Variants in HSD17B12 observed in about 807,000 individuals in gnomAD.
HSD17B12 encodes very-long-chain 3-oxoacyl-CoA reductase.
HSD17B12 carries 32 observed loss-of-function variants against 39.3 expected under a neutral mutation model. The observed-to-expected ratio is 0.81, with a 90% CI of 0.61 to 1.09. The LOEUF (loss-of-function observed/expected upper bound fraction) is 1.09, where lower values mean the gene tolerates loss of function less well. HSD17B12 is among the 50% of genes least tolerant of loss of function. HSD17B12 has a pLI of 0.00. For missense variants in HSD17B12, 342 were observed against 382.9 expected, an observed-to-expected ratio of 0.89 and a Z score of 0.89; for synonymous variants, 150 against 146.7, an observed-to-expected ratio of 1.02 and a Z score of -0.16.
At chr11:43,693,590 A>G (rs1457242175) in intron 1 of HSD17B12, among the ~76,000 whole-genome samples, 1 of 152,186 alleles carries the variant, frequency 6.6e-6, no homozygotes, top group African/African-American at 2.4e-5. Flanking sequence ...CTTATATCCC[A>G]AACTACTGAT....
chr11:43,632,053 C>G, the HSD17B12 span, among the ~76,000 whole-genome samples: 1 of 152,134 alleles, frequency 6.6e-6, no homozygotes, highest in Non-Finnish European at 1.5e-5. Flanking sequence ...CATTTTTCTT[C>G]TAAAAAGTTG....
the HSD17B12 span, among the ~76,000 whole-genome samples, chr11:43,654,604 T>G: frequency 6.6e-6 from 1 of 152,158 alleles, no homozygotes; most frequent in Non-Finnish European, 1.5e-5. Context: ...AGTTTCAGCT[T>G]TCTACATATG....
intron 3 of HSD17B12, among the ~76,000 whole-genome samples, chr11:43,796,079 A>G (rs1950913410): frequency 6.6e-6 from 1 of 152,140 alleles, no homozygotes; most frequent in Non-Finnish European, 1.5e-5. Context: ...GTATCTAAAC[A>G]ACTGCTAGGA....
At chr11:43,799,464 G>A (rs1329847840) in intron 4 of HSD17B12, among the ~76,000 whole-genome samples, 1 of 151,898 alleles carries the variant, frequency 6.6e-6, no homozygotes, top group African/African-American at 2.4e-5. Context: ...GGGATAATCA[G>A]AATATTGAAC....
At chr11:43,706,948 T>C (rs1950021995) in intron 1 of HSD17B12, among the ~76,000 whole-genome samples, 2 of 152,204 alleles carry the variant, frequency 1.3e-5, no homozygotes, top group South Asian at 4.1e-4. Flanking sequence ...TTCTATTTTT[T>C]GTTATATTTT....
At chr11:43,772,036 A>C (rs78376416) in intron 3 of HSD17B12, among the ~76,000 whole-genome samples, 11 of 141,190 alleles carry the variant, frequency 7.8e-5, no homozygotes, top group Middle Eastern at 3.9e-3. Flanking sequence ...ATATATATAT[A>C]TCTCTGTCTC....
intron 6 of HSD17B12, among the ~76,000 whole-genome samples, chr11:43,817,400 C>A (rs915527356): frequency 1.3e-5 from 2 of 152,038 alleles, no homozygotes; most frequent in African/African-American, 4.8e-5. Context: ...CTTTTGGGTT[C>A]TTGGTCATGA....
intron 1 of HSD17B12, among the ~76,000 whole-genome samples, chr11:43,711,703 G>T (rs1565058650): frequency 2.0e-5 from 3 of 151,928 alleles, no homozygotes; most frequent in Non-Finnish European, 4.4e-5. Context: ...TCAAACTCCT[G>T]GGCCCAATTG....
At chr11:43,772,069 CT>C (rs1950655990) in intron 3 of HSD17B12, among the ~76,000 whole-genome samples, 1 of 152,050 alleles carries the variant, frequency 6.6e-6, no homozygotes, top group Admixed American at 6.6e-5. Flanking sequence ...AACATCTAAC[CT>C]TTTTATTTAA....
chr11:43,832,565 T>C (rs1416791750), intron 7 of HSD17B12, among the ~76,000 whole-genome samples: 1 of 152,056 alleles, frequency 6.6e-6, no homozygotes, highest in Non-Finnish European at 1.5e-5. Flanking sequence ...AGTTAGTAAA[T>C]AATACAAAAC....
At chr11:43,580,666 A>G in the HSD17B12 span, among the ~76,000 whole-genome samples, 1 of 151,948 alleles carries the variant, frequency 6.6e-6, no homozygotes, top group Non-Finnish European at 1.5e-5. Context: ...TCTCTTTCCC[A>G]ATACATCGCG....
chr11:43,769,268 T>G (rs1590283971), intron 3 of HSD17B12, among the ~76,000 whole-genome samples: 1 of 152,248 alleles, frequency 6.6e-6, no homozygotes, highest in East Asian at 1.9e-4. Flanking sequence ...TACTGTGTAT[T>G]TAAGCGTGGC....
chr11:43,622,878 A>T, the HSD17B12 span, among the ~76,000 whole-genome samples: 2 of 148,792 alleles, frequency 1.3e-5, no homozygotes, highest in Non-Finnish European at 2.9e-5. Flanking sequence ...AGGGCTTATT[A>T]AAAAAAAATT....
chr11:43,602,725 A>G, the HSD17B12 span, among the ~76,000 whole-genome samples: 151,531 of 152,216 alleles, frequency 1, 75,429 homozygotes, highest in Middle Eastern at 1. Context: ...GGCTATTTGA[A>G]TTAATGTATG....
rs1186108999 is a variant in HSD17B12, at chr11:43,834,822, T to G, written c.537-3495T>G. On this transcript the variant is annotated intron_variant, in intron 7 of 10. Coordinates refer to ENST00000278353, the MANE Select transcript of HSD17B12 (RefSeq NM_016142.3). The stretch of plus-strand genomic sequence containing the variant: ...TCTGGCTTGTGGGAGGACTAGTAAT[T>G]AAAGAGAATATGTTTATATGAAAAG... Among the ~76,000 whole-genome samples, 6 of 152,242 alleles carry G rather than the reference T, an allele frequency of 3.9e-5. No individual in the cohort carries two copies. The East Asian group carries it at 1.2e-3, about 29-fold the overall frequency.
chr11:43,561,569 A>G, the HSD17B12 span, among the ~76,000 whole-genome samples: 1 of 152,172 alleles, frequency 6.6e-6, no homozygotes, highest in East Asian at 1.9e-4. Flanking sequence ...CTAGAGAATG[A>G]AGACTATGGA....
chr11:43,855,864 A>T lies in HSD17B12; in HGVS notation c.*616A>T, dbSNP rs1242582030. 1 of 151,972 alleles carries T rather than the reference A, an allele frequency of 6.6e-6. No individual in the cohort carries two copies. Among genetic ancestry groups the T allele is most frequent in the African/African-American group, 2.4e-5 (1 of 41,144 alleles). The allele number at this position is 151,972 out of a possible 1,614,324, so 9.4% of individuals were successfully genotyped here. ...TCTGACACATGAAGCCCACTAAACTATGCTTTCTTATAATGCATATTTCTT... is the reference window on the plus strand; with the variant it reads ...TCTGACACATGAAGCCCACTAAACTTTGCTTTCTTATAATGCATATTTCTT... On this transcript the variant is annotated 3_prime_UTR_variant, in exon 11 of 11. Coordinates refer to ENST00000278353, the MANE Select transcript of HSD17B12 (RefSeq NM_016142.3).
the HSD17B12 span, among the ~76,000 whole-genome samples, chr11:43,635,331 C>T: frequency 6.6e-6 from 1 of 152,274 alleles, no homozygotes; most frequent in South Asian, 2.1e-4. Context: ...TTTGTCCAGA[C>T]TGACAGGCAA....
the HSD17B12 span, among the ~76,000 whole-genome samples, chr11:43,595,736 C>T: frequency 4.6e-5 from 7 of 152,090 alleles, no homozygotes; most frequent in African/African-American, 9.7e-5. Flanking sequence ...TCTGAATAAA[C>T]GAAAAATAAT....
Sources: gnomAD v4.1 joint callset for allele counts (sites outside exome capture counted in the v4.1 genomes callset) on GRCh38, gnomAD v4.1.1 for gene constraint, MANE v1.5 for transcripts, NCBI Gene and HGNC (gene_info 2026-07-23, HGNC 2026-07-21) for gene names.